EPHB1: variants seen among roughly 807,000 people sequenced by gnomAD.
EPHB1 encodes ephrin type-B receptor 1.
Under a neutral mutation model 94.4 loss-of-function variants are expected in EPHB1, and 30 were observed. That is an observed-to-expected ratio of 0.32 (90% CI 0.24 to 0.43). The LOEUF (loss-of-function observed/expected upper bound fraction) is 0.43, where lower values mean the gene tolerates loss of function less well. Among genes scored for constraint, EPHB1 ranks in the 20% least tolerant of loss-of-function variants. EPHB1 has a pLI of 1.00. For missense variants in EPHB1, 1,055 were observed against 1,308.3 expected, an observed-to-expected ratio of 0.81 and a Z score of 2.99; for synonymous variants, 522 against 489.1, an observed-to-expected ratio of 1.07 and a Z score of -0.89.
intron 2 of EPHB1, among the ~76,000 whole-genome samples, chr3:134,928,798 GAAGTGCC>G (rs773904384): frequency 8.8e-4 from 134 of 152,208 alleles, no homozygotes; most frequent in Non-Finnish European, 1.5e-3. Context: ...AACCTGCACT[GAAGTGCC>G]AAATAGAACC....
At chr3:134,937,171 C>T (rs1314038149) in intron 2 of EPHB1, among the ~76,000 whole-genome samples, 2 of 152,208 alleles carry the variant, frequency 1.3e-5, no homozygotes, top group Non-Finnish European at 1.5e-5. Flanking sequence ...AAGCCAAGTC[C>T]AGGAGGCAAA....
chr3:134,940,175 A>G (rs1470109296), intron 2 of EPHB1, among the ~76,000 whole-genome samples: 1 of 152,194 alleles, frequency 6.6e-6, no homozygotes, highest in Non-Finnish European at 1.5e-5. Flanking sequence ...GATTATTTAT[A>G]TAGGATCTAG....
chr3:135,084,454 CACCTTGCTGGCTGTTGTGT>C (rs1938272527), intron 3 of EPHB1, among the ~76,000 whole-genome samples: 1 of 152,170 alleles, frequency 6.6e-6, no homozygotes, highest in Admixed American at 6.5e-5. Flanking sequence ...GCAAGGACTG[CACCTTGCTGGCTGTTGTGT>C]CATATAGGTC....
chr3:135,032,406 C>T (rs1198261414), intron 3 of EPHB1, among the ~76,000 whole-genome samples: 1 of 151,660 alleles, frequency 6.6e-6, no homozygotes, highest in Non-Finnish European at 1.5e-5. Context: ...GTTTTACTTT[C>T]ATGAGTGCAA....
intron 1 of EPHB1, among the ~76,000 whole-genome samples, chr3:134,848,210 G>T (rs773943244): frequency 6.6e-6 from 1 of 152,196 alleles, no homozygotes; most frequent in Non-Finnish European, 1.5e-5. Context: ...GGGACCAGGG[G>T]TTGTCTGCTC....
At chr3:134,934,627 T>C (rs2107706508) in intron 2 of EPHB1, among the ~76,000 whole-genome samples, 1 of 151,570 alleles carries the variant, frequency 6.6e-6, no homozygotes, top group South Asian at 2.1e-4. Flanking sequence ...TGTTGTGCAG[T>C]AGAATGTCAA....
intron 11 of EPHB1, 22 bp from the exon 12 acceptor site, chr3:135,201,452 T>A (rs2107712934): frequency 1.2e-6 from 2 of 1,613,050 alleles, no homozygotes; most frequent in Non-Finnish European, 1.7e-6. Flanking sequence ...TTGATCCCAA[T>A]GCCCTCTATG....
intron 3 of EPHB1, among the ~76,000 whole-genome samples, chr3:135,007,596 G>A (rs111551083): frequency 9.9e-5 from 15 of 152,242 alleles, no homozygotes; most frequent in African/African-American, 3.4e-4. Flanking sequence ...ACTCACCCTA[G>A]GTCATGGCAG....
At chr3:134,858,923 G>A (rs2037185005) in intron 1 of EPHB1, among the ~76,000 whole-genome samples, 1 of 152,178 alleles carries the variant, frequency 6.6e-6, no homozygotes, top group Non-Finnish European at 1.5e-5. Context: ...AGATTCCCTG[G>A]GGTGGGGCTT....
At chr3:134,895,731 C>G (rs1317319821) in intron 1 of EPHB1, among the ~76,000 whole-genome samples, 1 of 152,188 alleles carries the variant, frequency 6.6e-6, no homozygotes, top group African/African-American at 2.4e-5. Flanking sequence ...GCTTAAATTT[C>G]TATTCAAGTT....
chr3:134,993,304 G>C (rs1344989758), intron 3 of EPHB1, among the ~76,000 whole-genome samples: 2 of 152,174 alleles, frequency 1.3e-5, no homozygotes, highest in Non-Finnish European at 2.9e-5. Context: ...CCTCAGAGGG[G>C]ACAGCTAAAT....
chr3:135,083,878 C>A (rs1056227694), intron 3 of EPHB1, among the ~76,000 whole-genome samples: 2 of 152,096 alleles, frequency 1.3e-5, no homozygotes, highest in East Asian at 3.9e-4. Flanking sequence ...AGTTCTTGAG[C>A]CCCTGGTTTA....
At chr3:135,036,264 G>A (rs1936645115) in intron 3 of EPHB1, among the ~76,000 whole-genome samples, 1 of 152,206 alleles carries the variant, frequency 6.6e-6, no homozygotes, top group African/African-American at 2.4e-5. Context: ...AACTACTCGG[G>A]GAGGGTGATG....
intron 3 of EPHB1, among the ~76,000 whole-genome samples, chr3:135,092,165 A>G (rs183607397): frequency 1.3e-5 from 2 of 152,314 alleles, no homozygotes; most frequent in Admixed American, 1.3e-4. Context: ...GAACACTGGC[A>G]GCCGGGCACT....
Position 134,985,319 on chromosome 3 carries a change from C to T in EPHB1, c.805+33267C>T, listed in dbSNP as rs543577853. 9.2e-5 allele frequency among the ~76,000 whole-genome samples: 14 copies of T among 152,142 alleles called. No homozygotes were observed. In the East Asian group the frequency reaches 2.1e-3, roughly 23 times the overall value. ...GACTACAGGTGCGCACCACCACACC[C>T]GGCTAATTTTTGTATTTTTAGTAGA... On this transcript the variant is annotated intron_variant, in intron 3 of 15. Transcript: ENST00000398015.
chr3:135,166,921 A>T (rs1289026970), intron 8 of EPHB1, 21 bp from the exon 9 acceptor site: 1 of 1,613,696 alleles, frequency 6.2e-7, no homozygotes, highest in Non-Finnish European at 8.5e-7. Context: ...TGGCTGAGAG[A>T]GCCCCTCTTT....
intron 3 of EPHB1, among the ~76,000 whole-genome samples, chr3:135,002,078 A>G (rs923369114): frequency 6.6e-6 from 1 of 152,250 alleles, no homozygotes; most frequent in African/African-American, 2.4e-5. Flanking sequence ...ATTGAATGGC[A>G]TACTATCCAG....
At chr3:134,828,594 G>T (rs1359089860) in intron 1 of EPHB1, among the ~76,000 whole-genome samples, 1 of 152,236 alleles carries the variant, frequency 6.6e-6, no homozygotes, top group Non-Finnish European at 1.5e-5. Flanking sequence ...GGCACAGCTA[G>T]AAGTGAAGAC....
At chr3:134,977,995 C>G (rs1483334672) in intron 3 of EPHB1, 4 of 455,886 alleles carry the variant, frequency 8.8e-6, no homozygotes, top group African/African-American at 8.0e-5. Context: ...GATCCTTAGA[C>G]AGCAGGATTG....
Sources: gnomAD v4.1 joint callset for allele counts (sites outside exome capture counted in the v4.1 genomes callset) on GRCh38, gnomAD v4.1.1 for gene constraint, MANE v1.5 for transcripts, NCBI Gene and HGNC (gene_info 2026-07-23, HGNC 2026-07-21) for gene names.